Variants in PTGER3 observed in about 807,000 individuals in gnomAD.
The protein encoded by PTGER3 is prostaglandin E receptor 3.
PTGER3 carries 22 observed loss-of-function variants against 34.7 expected under a neutral mutation model. That is an observed-to-expected ratio of 0.63 (90% CI 0.45 to 0.91). The LOEUF (loss-of-function observed/expected upper bound fraction) is 0.91. PTGER3 is among the 40% of genes least tolerant of loss of function. The pLI is 0.00. For missense variants in PTGER3, 468 were observed against 519.4 expected, an observed-to-expected ratio of 0.90 and a Z score of 0.96; for synonymous variants, 241 against 230.1, an observed-to-expected ratio of 1.05 and a Z score of -0.43.
At chr1:70,854,501 G>A (rs1377153991) in intron 4 of PTGER3, among the ~76,000 whole-genome samples, 8 of 152,098 alleles carry the variant, frequency 5.3e-5, no homozygotes, top group Non-Finnish European at 1.2e-4. Context: ...TCAGAGGAGG[G>A]GCCTGGTGGG....
intron 4 of PTGER3, among the ~76,000 whole-genome samples, chr1:70,944,877 C>T (rs948652808): frequency 2.6e-5 from 4 of 152,036 alleles, no homozygotes; most frequent in Non-Finnish European, 4.4e-5. Flanking sequence ...GTCACCAGAG[C>T]CAATCAGAAT....
chr1:70,935,908 T>C (rs867218396), intron 4 of PTGER3, among the ~76,000 whole-genome samples: 4 of 151,962 alleles, frequency 2.6e-5, no homozygotes, highest in African/African-American at 9.7e-5. Flanking sequence ...GAAAAGGGAA[T>C]AGCAGGAAAT....
At chr1:71,045,800 C>A (rs1660721100) in intron 1 of PTGER3, among the ~76,000 whole-genome samples, 1 of 151,914 alleles carries the variant, frequency 6.6e-6, no homozygotes, top group Non-Finnish European at 1.5e-5. Context: ...GACTGTCGTT[C>A]GGGCACTTCC....
chr1:70,962,645 G>A (rs1451971753), intron 2 of PTGER3, among the ~76,000 whole-genome samples: 1 of 152,134 alleles, frequency 6.6e-6, no homozygotes, highest in Non-Finnish European at 1.5e-5. Flanking sequence ...CAGATCCCAT[G>A]AGACTTATTC....
chr1:71,020,818 G>A (rs1658350075), intron 1 of PTGER3, among the ~76,000 whole-genome samples: 1 of 151,834 alleles, frequency 6.6e-6, no homozygotes, highest in African/African-American at 2.4e-5. Flanking sequence ...CCATAAGTCT[G>A]ACTCAATTCT....
chr1:70,971,769 G>A (rs1439020787), intron 3 of PTGER3, 36 bp from the exon 4 acceptor site: 2 of 1,403,214 alleles, frequency 1.4e-6, no homozygotes, highest in Middle Eastern at 1.8e-4. Flanking sequence ...CAATAAGCAT[G>A]GATGGGGATT....
chr1:70,893,135 G>A (rs1171906885), intron 4 of PTGER3, among the ~76,000 whole-genome samples: 1 of 152,130 alleles, frequency 6.6e-6, no homozygotes, highest in Non-Finnish European at 1.5e-5. Context: ...CATGCAATAT[G>A]CCATAACTGT....
At chr1:70,991,030 G>C (rs1332301310) in intron 2 of PTGER3, among the ~76,000 whole-genome samples, 1 of 152,108 alleles carries the variant, frequency 6.6e-6, no homozygotes, top group Non-Finnish European at 1.5e-5. Flanking sequence ...CTTCCAATGT[G>C]CTTCTCATTG....
intron 4 of PTGER3, among the ~76,000 whole-genome samples, chr1:70,920,874 TTTGTATGTTG>T (rs5775035): frequency 0.65 from 98,046 of 151,316 alleles, 31,902 homozygotes; most frequent in East Asian, 0.78. Context: ...CCTGACAATT[TTTGTATGTTG>T]TTGTATGTTG....
intron 1 of PTGER3, among the ~76,000 whole-genome samples, chr1:71,027,783 T>C (rs185530828): frequency 1.6e-4 from 25 of 152,302 alleles, no homozygotes; most frequent in African/African-American, 6.0e-4. Context: ...CCAATATATC[T>C]GAAATGTTAC....
At chr1:71,044,191 C>A (rs1403239489) in intron 1 of PTGER3, among the ~76,000 whole-genome samples, 1 of 150,842 alleles carries the variant, frequency 6.6e-6, no homozygotes, top group Non-Finnish European at 1.5e-5. Context: ...AATCCCAGCA[C>A]TTTGGGTGGC....
At chr1:70,876,986 G>A (rs1557622864) in intron 4 of PTGER3, among the ~76,000 whole-genome samples, 1 of 152,148 alleles carries the variant, frequency 6.6e-6, no homozygotes, top group African/African-American at 2.4e-5. Context: ...TTCCAATTCT[G>A]TGAAGAATTT....
chr1:70,899,274 A>G (rs997946032), intron 4 of PTGER3, among the ~76,000 whole-genome samples: 1 of 152,134 alleles, frequency 6.6e-6, no homozygotes, highest in African/African-American at 2.4e-5. Context: ...AATTACACAT[A>G]CAGTTGTGAT....
chr1:70,966,142 C>T (rs147870024), downstream of PTGER3, among the ~76,000 whole-genome samples: 1 of 152,180 alleles, frequency 6.6e-6, no homozygotes, highest in African/African-American at 2.4e-5. Context: ...TATATTTTCT[C>T]CTGTTCTCAT....
chr1:70,890,032 T>G (rs1027041370), intron 4 of PTGER3, among the ~76,000 whole-genome samples: 2 of 152,202 alleles, frequency 1.3e-5, no homozygotes, highest in Admixed American at 6.5e-5. Context: ...TTTCAGAAAC[T>G]TCATTTGGCA....
At chr1:70,891,716 GCATTCTTCTTCTCTAACAA>G (rs1234243018) in intron 4 of PTGER3, among the ~76,000 whole-genome samples, 4 of 152,146 alleles carry the variant, frequency 2.6e-5, no homozygotes, top group Admixed American at 2.6e-4. Flanking sequence ...GGCTTGCATA[GCATTCTTCTTCTCTAACAA>G]CAATTATAAA....
chr1:71,032,030 AT>A (rs1659453609), intron 1 of PTGER3, among the ~76,000 whole-genome samples: 1 of 152,222 alleles, frequency 6.6e-6, no homozygotes, highest in African/African-American at 2.4e-5. Flanking sequence ...CATTAAATAA[AT>A]TCAAAAGTCT....
At chr1:70,860,151 G>A (rs1645896429) in intron 4 of PTGER3, among the ~76,000 whole-genome samples, 2 of 151,724 alleles carry the variant, frequency 1.3e-5, no homozygotes, top group Admixed American at 1.3e-4. Context: ...GTCCCAAACT[G>A]ACAAAAATGG....
chr1:71,017,421 A>T (rs1658004278), intron 1 of PTGER3, among the ~76,000 whole-genome samples: 1 of 152,140 alleles, frequency 6.6e-6, no homozygotes. Context: ...GCCCAGTGAG[A>T]TCCATCAGAC....
Sources: gnomAD v4.1 joint callset for allele counts (sites outside exome capture counted in the v4.1 genomes callset) on GRCh38, gnomAD v4.1.1 for gene constraint, MANE v1.5 for transcripts, NCBI Gene and HGNC (gene_info 2026-07-23, HGNC 2026-07-21) for gene names.